EML2: variants seen among roughly 807,000 people sequenced by gnomAD.
The protein encoded by EML2 is EMAP like 2.
EML2 carries 59 observed loss-of-function variants against 84.7 expected under a neutral mutation model. That is an observed-to-expected ratio of 0.70 (90% CI 0.56 to 0.86). The LOEUF is 0.86. Ranked by LOEUF, EML2 falls within the 40% of genes least tolerant of loss-of-function variation. The probability of loss-of-function intolerance (pLI) is 0.00; values close to 1 mark genes in which losing one functional copy is unlikely to be tolerated. For missense variants in EML2, 818 were observed against 855.6 expected (o/e 0.96, Z 0.55); for synonymous variants, 352 against 348.9 (o/e 1.01, Z -0.10).
chr19:45,621,353 G>C (rs1198537117), intron 10 of EML2, 21 bp from the exon 11 acceptor site: 2 of 1,590,538 alleles, frequency 1.3e-6, no homozygotes, highest in Non-Finnish European at 1.7e-6. Context: ...AGATAAGAGG[G>C]AAGATGAGTA....
At chr19:45,610,476 G>C (rs1448733486) in intron 18 of EML2, among the ~76,000 whole-genome samples, 1 of 151,616 alleles carries the variant, frequency 6.6e-6, no homozygotes, top group Non-Finnish European at 1.5e-5. Context: ...CGAGGTGGGG[G>C]TGGATCACTT....
Position 45,609,723 on chromosome 19 carries a change from G to A in EML2, c.1890C>T (p.Asp630=). ...TGCCCCCTGTGGTCAGGGCCATGCT[G>A]TCATCCCACAAGAAGGCCACATTTG... The part of the protein sequence containing the change: ...HVTNVAFLWD[D]SMALTTGGKD... The change falls in exon 19 of 19, where the codon GAC becomes GAT. Residue 630 remains aspartate (D), a synonymous_variant. Transcript: ENST00000245925. 6.2e-7 allele frequency: 1 copy of A among 1,613,700 alleles called. No homozygotes were observed. Among genetic ancestry groups the A allele is most frequent in the Non-Finnish European group, 8.5e-7 (1 of 1,179,864 alleles).
upstream of EML2, chr19:45,645,361 G>A: frequency 6.5e-7 from 1 of 1,527,784 alleles, no homozygotes; most frequent in Non-Finnish European, 8.7e-7. Flanking sequence ...AGCCACCGCC[G>A]GCCCCCCCGG....
chr19:45,617,916 G>A (rs1025973776), intron 12 of EML2, among the ~76,000 whole-genome samples: 1 of 152,006 alleles, frequency 6.6e-6, no homozygotes, highest in African/African-American at 2.4e-5. Context: ...TGTCACTCCT[G>A]TCCCGGGATC....
intron 7 of EML2, among the ~76,000 whole-genome samples, chr19:45,627,165 T>C (rs1206431924): frequency 6.6e-6 from 1 of 151,616 alleles, no homozygotes; most frequent in Non-Finnish European, 1.5e-5. Flanking sequence ...TCACCATGTT[T>C]CCCGGCTGGT....
intron 3 of EML2, among the ~76,000 whole-genome samples, chr19:45,635,431 C>T (rs899472625): frequency 2.0e-5 from 3 of 151,556 alleles, no homozygotes; most frequent in African/African-American, 7.3e-5. Context: ...GAGCCGCTGG[C>T]GCCCAGCCGA....
intron 6 of EML2, among the ~76,000 whole-genome samples, chr19:45,631,504 C>T (rs796223563): frequency 8.5e-5 from 13 of 152,164 alleles, no homozygotes; most frequent in African/African-American, 2.9e-4. Flanking sequence ...CTGCTACCTC[C>T]GCCTCCCAGG....
Position 45,632,982 on chromosome 19 carries a change from G to A in EML2, c.400-11C>T, listed in dbSNP as rs1470183636. ...GTGGGGCGGCAGCGGCTGCAGGGAA[G>A]AGAGGCTTGTTACCTTGGGGGTGCC... On this transcript the variant is annotated splice_polypyrimidine_tract_variant and intron_variant, in intron 5 of 18. Coordinates refer to ENST00000245925, the MANE Select transcript of EML2 (RefSeq NM_012155.4). The A allele has an allele frequency of 1.9e-6, 3 of 1,612,236 alleles. No individual in the cohort carries two copies. Among genetic ancestry groups the A allele is most frequent in the Non-Finnish European group, 1.7e-6 (2 of 1,179,556 alleles).
chr19:45,637,279 G>C (rs1469483833), intron 3 of EML2, among the ~76,000 whole-genome samples: 2 of 152,116 alleles, frequency 1.3e-5, no homozygotes, highest in African/African-American at 4.8e-5. Context: ...GAAAAAGTTT[G>C]GGTCCCAGAA....
intron 12 of EML2, 68 bp from the exon 13 acceptor site, chr19:45,617,765 C>T: frequency 7.0e-7 from 1 of 1,430,708 alleles, no homozygotes; most frequent in Non-Finnish European, 9.7e-7. Context: ...CATTCTCTTG[C>T]CTCAGGGCCA....
At chr19:45,642,366 G>C (rs1974614715), upstream of EML2, 1 of 1,527,570 alleles carries the variant, frequency 6.5e-7, no homozygotes, top group Non-Finnish European at 8.8e-7. Context: ...GAAGACGGGG[G>C]AGTGCCGGCT....
At chr19:45,631,319 A>G (rs1442075997) in intron 6 of EML2, among the ~76,000 whole-genome samples, 1 of 152,162 alleles carries the variant, frequency 6.6e-6, no homozygotes, top group Non-Finnish European at 1.5e-5. Context: ...CTCTTAAGCT[A>G]TCTGTGCAGG....
chr19:45,642,261 C>G (rs540063121), upstream of EML2: 20 of 1,535,852 alleles, frequency 1.3e-5, no homozygotes, highest in Non-Finnish European at 1.7e-5. Flanking sequence ...CCTTTAGGAC[C>G]GCCAGCTCGT....
intron 7 of EML2, among the ~76,000 whole-genome samples, chr19:45,627,854 G>A (rs1488042790): frequency 1.3e-5 from 2 of 151,956 alleles, no homozygotes; most frequent in Non-Finnish European, 2.9e-5. Flanking sequence ...CTGAGGTCGG[G>A]AGTTCGAGGC....
chr19:45,632,593 T>C (rs1973183436), intron 6 of EML2: 1 of 457,848 alleles, frequency 2.2e-6, no homozygotes, highest in African/African-American at 2.0e-5. Flanking sequence ...TACTTATCTC[T>C]GCCTGGACAT....
In EML2 at chr19:45,634,381, T is replaced by C; in HGVS notation, c.270A>G (p.Leu90=). The part of the protein sequence containing the change: ...IVYFVASVAV[L]YSVEEQRQRH... ...GCTGCCTCTGCTCCTCCACGCTGTA[T>C]AGCACGGCTACGGAGGCCACAAAGT... is the stretch of plus-strand genomic sequence containing the variant. Residue 90 remains leucine (L), a synonymous_variant, in exon 4 of 19, where the codon CTA becomes CTG. Transcript: ENST00000245925. 6.2e-7 allele frequency: 1 copy of C among 1,613,990 alleles called. No homozygotes were observed.
In EML2 at chr19:45,620,122, AT is replaced by A. The variant is rs971055620; in HGVS notation, c.1123-932del. On this transcript the variant is annotated intron_variant, in intron 11 of 18. Transcript: ENST00000245925. ...GTCTAACTATTAATATTTATAACAA[AT>A]TTTTTTTTTAGACGGAATCTCACTC... 5.0e-4 allele frequency among the ~76,000 whole-genome samples: 75 copies of A among 149,812 alleles called. 2 individuals are homozygous for A. In the South Asian group the frequency reaches 6.9e-3, roughly 14 times the overall value.
chr19:45,639,293 A>G, intron 1 of EML2, 64 bp downstream of exon 1: 1 of 1,341,962 alleles, frequency 7.5e-7, no homozygotes, highest in Non-Finnish European at 9.7e-7. Context: ...GTTGGGTGAA[A>G]CCTGAGATCT....
chr19:45,638,811 C>G (rs1181563688), intron 2 of EML2, 34 bp downstream of exon 2: 1 of 1,611,962 alleles, frequency 6.2e-7, no homozygotes, highest in Non-Finnish European at 8.5e-7. Flanking sequence ...AACAAGCAAG[C>G]TTCCACCGAG....
Sources: allele counts gnomAD v4.1 joint callset (sites outside exome capture counted in the v4.1 genomes callset), GRCh38; gene constraint gnomAD v4.1.1; transcripts MANE v1.5; gene names NCBI Gene and HGNC (gene_info 2026-07-23, HGNC 2026-07-21).